RIMS4: variants seen among roughly 807,000 people sequenced by gnomAD.
RIMS4 encodes regulating synaptic membrane exocytosis protein 4.
A neutral mutation model predicts 29.0 loss-of-function variants in RIMS4; 9 were observed. That is an observed-to-expected ratio of 0.31 (90% CI 0.19 to 0.54). The LOEUF (loss-of-function observed/expected upper bound fraction) is 0.54, where lower values mean the gene tolerates loss of function less well. RIMS4 is among the 20% of genes least tolerant of loss of function. The probability of loss-of-function intolerance (pLI) is 0.94; values close to 1 mark genes in which losing one functional copy is unlikely to be tolerated. For synonymous variants in RIMS4, 130 were observed against 152.9 expected (o/e 0.85, Z 1.10); for missense variants, 193 against 365.7 (o/e 0.53, Z 3.85).
Position 44,758,062 on chromosome 20 carries a change from G to A in RIMS4, c.349+10C>T, listed in dbSNP as rs765991779. The A allele has an allele frequency of 2.6e-5, 41 of 1,585,776 alleles. No individual in the cohort carries two copies. The Admixed American group carries it at 7.2e-4, about 28-fold the overall frequency. On this transcript the variant is annotated intron_variant, in intron 3 of 5. Coordinates refer to ENST00000372851, the MANE Select transcript of RIMS4 (RefSeq NM_182970.4). ...CCTAGTCCATTTGAAACCAGCCTTGGGGCACTCACCCATGGGTGTGGTGGC... is the reference window on the plus strand; with the variant it reads ...CCTAGTCCATTTGAAACCAGCCTTGAGGCACTCACCCATGGGTGTGGTGGC...
intron 1 of RIMS4, among the ~76,000 whole-genome samples, chr20:44,792,493 T>C (rs1021861203): frequency 2.6e-5 from 4 of 152,038 alleles, no homozygotes; most frequent in Admixed American, 6.6e-5. Flanking sequence ...GGTTTCTCCA[T>C]GTTGGTCAGG....
intron 1 of RIMS4, among the ~76,000 whole-genome samples, chr20:44,789,874 G>A (rs8114399): frequency 0.016 from 2,483 of 152,342 alleles, 35 homozygotes; most frequent in Non-Finnish European, 0.025. Flanking sequence ...AACATGTGAA[G>A]ATTAATGGGC....
chr20:44,808,979 C>T (rs1012201496), intron 1 of RIMS4, among the ~76,000 whole-genome samples: 1 of 152,198 alleles, frequency 6.6e-6, no homozygotes, highest in Non-Finnish European at 1.5e-5. Flanking sequence ...AACCATTTTG[C>T]TCCTCAAGCA....
At chr20:44,779,391 A>G (rs916776090) in intron 1 of RIMS4, among the ~76,000 whole-genome samples, 3 of 152,254 alleles carry the variant, frequency 2.0e-5, no homozygotes, top group East Asian at 1.9e-4. Context: ...GAAGGCCCAC[A>G]TGCCACTTCC....
Position 44,789,543 on chromosome 20 carries a change from G to A in RIMS4, c.98-18130C>T, listed in dbSNP as rs145852759. Among the ~76,000 whole-genome samples, 26 of 152,164 alleles carry A rather than the reference G, an allele frequency of 1.7e-4. No homozygotes were observed. The East Asian group carries it at 2.5e-3, about 15-fold the overall frequency. On this transcript the variant is annotated intron_variant, in intron 1 of 5. Transcript: ENST00000372851. ...AATCTCCTGGCCTCGTGATCCGCCC[G>A]TCATCACAATATGAGAATTTCTTAT...
intron 2 of RIMS4, 104 bp from the exon 3 acceptor site, chr20:44,758,288 C>G: frequency 1.4e-6 from 1 of 737,814 alleles, no homozygotes. Flanking sequence ...TGAAACTTCC[C>G]TCTTGGGATG....
intron 1 of RIMS4, among the ~76,000 whole-genome samples, chr20:44,780,476 T>C (rs924526351): frequency 6.6e-6 from 1 of 152,230 alleles, no homozygotes; most frequent in Non-Finnish European, 1.5e-5. Flanking sequence ...TCCTTCCCAC[T>C]GGCTTGCTGG....
At chr20:44,760,997 A>G (rs2066082413) in intron 2 of RIMS4, among the ~76,000 whole-genome samples, 1 of 152,126 alleles carries the variant, frequency 6.6e-6, no homozygotes, top group East Asian at 1.9e-4. Context: ...AAATACTTTG[A>G]TAGTTACCCT....
chr20:44,799,304 G>GAA (rs57151872), intron 1 of RIMS4, among the ~76,000 whole-genome samples: 28 of 146,664 alleles, frequency 1.9e-4, no homozygotes, highest in Admixed American at 4.7e-4. Flanking sequence ...CTCCATCTCA[G>GAA]AAAAAAAAAA....
At chr20:44,783,088 ACT>A (rs1166257293) in intron 1 of RIMS4, among the ~76,000 whole-genome samples, 1 of 152,198 alleles carries the variant, frequency 6.6e-6, no homozygotes, top group Admixed American at 6.5e-5. Flanking sequence ...ATTCTCAGAA[ACT>A]CTCAGAAAAC....
At chr20:44,778,892 A>G (rs1161621358) in intron 1 of RIMS4, among the ~76,000 whole-genome samples, 1 of 152,166 alleles carries the variant, frequency 6.6e-6, no homozygotes, top group Admixed American at 6.5e-5. Context: ...CCTCTATGCT[A>G]ACTGGTGTCC....
chr20:44,760,754 C>A (rs947033887), intron 2 of RIMS4, among the ~76,000 whole-genome samples: 1 of 152,148 alleles, frequency 6.6e-6, no homozygotes, highest in African/African-American at 2.4e-5. Context: ...TGTGTCCAGG[C>A]ACTATTCTGG....
At chr20:44,775,257 A>C (rs1383169940) in intron 1 of RIMS4, among the ~76,000 whole-genome samples, 2 of 152,102 alleles carry the variant, frequency 1.3e-5, no homozygotes, top group East Asian at 3.9e-4. Flanking sequence ...GACCCACTGT[A>C]GTGAACAATG....
At chr20:44,790,693 G>A (rs978102469) in intron 1 of RIMS4, among the ~76,000 whole-genome samples, 3 of 152,234 alleles carry the variant, frequency 2.0e-5, no homozygotes, top group African/African-American at 2.4e-5. Context: ...GATGGACAGA[G>A]GAGGCAGTGA....
intron 2 of RIMS4, among the ~76,000 whole-genome samples, chr20:44,758,402 A>G (rs911807923): frequency 6.6e-6 from 1 of 152,130 alleles, no homozygotes; most frequent in African/African-American, 2.4e-5. Context: ...AACTAATTAG[A>G]TACATAGAAC....
chr20:44,810,082 G>A (rs1051054926), intron 1 of RIMS4, 93 bp downstream of exon 1: 4 of 613,792 alleles, frequency 6.5e-6, no homozygotes, highest in Non-Finnish European at 1.1e-5. Context: ...AGGGGATTGG[G>A]GGTGGGGAGG....
At chr20:44,807,908 C>T (rs566914473) in intron 1 of RIMS4, among the ~76,000 whole-genome samples, 1 of 152,062 alleles carries the variant, frequency 6.6e-6, no homozygotes, top group South Asian at 2.1e-4. Context: ...GCCAGCCGCA[C>T]CCCCAGGCCT....
chr20:44,784,199 G>A (rs987126966), intron 1 of RIMS4, among the ~76,000 whole-genome samples: 1 of 152,196 alleles, frequency 6.6e-6, no homozygotes, highest in Admixed American at 6.5e-5. Context: ...GATAACACAT[G>A]TGCACATGTA....
intron 1 of RIMS4, among the ~76,000 whole-genome samples, chr20:44,779,669 C>T (rs903362710): frequency 5.3e-5 from 8 of 152,090 alleles, no homozygotes; most frequent in African/African-American, 2.4e-5. Context: ...GGGTGGGTAG[C>T]CTCCAGTAAT....
Sources: allele counts gnomAD v4.1 joint callset (sites outside exome capture counted in the v4.1 genomes callset), GRCh38; gene constraint gnomAD v4.1.1; transcripts MANE v1.5; gene names NCBI Gene and HGNC (gene_info 2026-07-23, HGNC 2026-07-21).